Variants in KHDC1 observed in about 807,000 individuals in gnomAD.
KHDC1 encodes KH domain containing 1, also known as KH homology domain-containing protein 1.
A neutral mutation model predicts 24.7 loss-of-function variants in KHDC1; 21 were observed. That is an observed-to-expected ratio of 0.85 (90% CI 0.60 to 1.23). The LOEUF is 1.23. Ranked by LOEUF, KHDC1 falls within the 50% of genes most tolerant of loss-of-function variation. The probability of loss-of-function intolerance (pLI) is 0.00; values close to 1 mark genes in which losing one functional copy is unlikely to be tolerated. For missense variants in KHDC1, 274 were observed against 298.5 expected (o/e 0.92, Z 0.61); for synonymous variants, 98 against 111.7 (o/e 0.88, Z 0.77).
intron 2 of KHDC1, among the ~76,000 whole-genome samples, chr6:73,242,775 G>A (rs1766598504): frequency 6.6e-6 from 1 of 152,034 alleles, no homozygotes; most frequent in African/African-American, 2.4e-5. Flanking sequence ...TGATGCCCCG[G>A]AATCAAAATT....
At chr6:73,288,679 C>T (rs1169693489) in intron 2 of KHDC1, among the ~76,000 whole-genome samples, 4 of 151,754 alleles carry the variant, frequency 2.6e-5, no homozygotes, top group Non-Finnish European at 5.9e-5. Flanking sequence ...CCTAGCTACT[C>T]AGGAGCCAGA....
intron 1 of KHDC1, chr6:73,300,530 A>G (rs1011999523): frequency 6.6e-5 from 10 of 152,038 alleles, no homozygotes; most frequent in African/African-American, 2.4e-4. Flanking sequence ...TGTTTCCCCT[A>G]TCACCACCAC....
intron 2 of KHDC1, chr6:73,263,160 C>G: frequency 1.0e-6 from 1 of 987,188 alleles, no homozygotes; most frequent in Non-Finnish European, 1.2e-6. Flanking sequence ...GGTCCCGGCT[C>G]GCGCCGCGGC....
chr6:73,283,381 C>T (rs751513255), intron 2 of KHDC1, among the ~76,000 whole-genome samples: 1 of 150,860 alleles, frequency 6.6e-6, no homozygotes, highest in Non-Finnish European at 1.5e-5. Context: ...TATTTTGTTT[C>T]TTATTCCATT....
intron 2 of KHDC1, among the ~76,000 whole-genome samples, chr6:73,254,084 G>A (rs1242287390): frequency 1.3e-5 from 2 of 152,058 alleles, no homozygotes; most frequent in Non-Finnish European, 2.9e-5. Context: ...CCATACCACA[G>A]GAAACCATTA....
chr6:73,293,138 C>G lies in KHDC1; in HGVS notation c.164-1098G>C, dbSNP rs1331510692. On this transcript the variant is annotated intron_variant, in intron 1 of 4. Coordinates refer to ENST00000370384, the Ensembl canonical transcript of KHDC1. ...GGTTATGGTAACAATGTACTCTCAC[C>G]CTATCAGCAAGTGATTGAAAAGACC... 6.3e-6 allele frequency: 5 copies of G among 788,332 alleles called. No individual in the cohort carries two copies. The Admixed American group carries it at 8.9e-5, about 14-fold the overall frequency. 48.8% of individuals were successfully genotyped at this position (788,332 alleles called of 1,614,324 possible). A position where few individuals can be genotyped will look rare whatever the true frequency, so the allele number is the denominator to read the frequency against.
At chr6:73,263,951 C>T (rs1251109935) in intron 2 of KHDC1, among the ~76,000 whole-genome samples, 2 of 152,208 alleles carry the variant, frequency 1.3e-5, no homozygotes, top group Non-Finnish European at 2.9e-5. Context: ...GTAATCCCAA[C>T]ACTTTGGGAG....
intron 2 of KHDC1, among the ~76,000 whole-genome samples, chr6:73,259,332 G>C (rs979392279): frequency 1.6e-5 from 2 of 127,902 alleles, no homozygotes; most frequent in Admixed American, 9.4e-5. Flanking sequence ...CTGTCGCCCA[G>C]GCTGGAGTGC....
At chr6:73,276,318 C>A (rs1767297016) in intron 2 of KHDC1, 1 of 151,986 alleles carries the variant, frequency 6.6e-6, no homozygotes, top group Non-Finnish European at 1.5e-5. Context: ...GAAACCCCAT[C>A]TCTACTAAAA....
rs1767633821 is a variant in KHDC1, at chr6:73,290,698, T to G, written c.206+1300A>C. 8 of 443,466 alleles carry G rather than the reference T, an allele frequency of 1.8e-5. No individual in the cohort carries two copies. In the Middle Eastern group the frequency reaches 2.3e-3, roughly 129 times the overall value. 27.5% of individuals were successfully genotyped at this position (443,466 alleles called of 1,614,324 possible). A position where few individuals can be genotyped will look rare whatever the true frequency, so the allele number is the denominator to read the frequency against. ...GTTTGCTGCTGCTGCTGGAGCCACA[T>G]GTATTGCTGGTCACTTCACTTCTGG... is the stretch of plus-strand genomic sequence containing the variant. On this transcript the variant is annotated intron_variant, in intron 2 of 4. Transcript: ENST00000370384.
chr6:73,270,257 C>T (rs776528703), intron 2 of KHDC1: 16 of 152,172 alleles, frequency 1.1e-4, no homozygotes, highest in Admixed American at 6.5e-4. Flanking sequence ...TCTTTTCATG[C>T]ATTAATAAAA....
In KHDC1 at chr6:73,289,213, A is replaced by G. The variant is rs9446884; in HGVS notation, c.206+2785T>C. ...GACAGGCATGGTGGCACATGCCTGT[A>G]GTCCCAGCTACTCAGGAGGCTGAGG... On this transcript the variant is annotated intron_variant, in intron 2 of 4. Coordinates refer to ENST00000370384, the Ensembl canonical transcript of KHDC1. 5.4e-3 allele frequency among the ~76,000 whole-genome samples: 822 copies of G among 151,184 alleles called. 11 individuals are homozygous for G. The highest frequency in any genetic ancestry group is 0.019 in the African/African-American group (764 of 41,166).
chr6:73,310,101 C>T (rs79168820), exon 1 of KHDC1: 61 of 213,874 alleles, frequency 2.9e-4, no homozygotes, highest in Non-Finnish European at 4.5e-4. Context: ...GAGGAGAGGA[C>T]CCGGAGAACG....
At position 73,271,894 on chromosome 6, in the gene KHDC1, C is replaced by CA. The variant is rs980406699; in HGVS notation, c.206+20103dup. ...TGGGCAACAGAGTGAGACTCCATCTCAAAAAAAAATAAGAAGACTGAGGTT... is the reference window on the plus strand; with the variant it reads ...TGGGCAACAGAGTGAGACTCCATCTCAAAAAAAAAATAAGAAGACTGAGGTT... On this transcript the variant is annotated intron_variant, in intron 2 of 4. Transcript: ENST00000370384. Among the ~76,000 whole-genome samples, 6 of 146,582 alleles carry CA rather than the reference C, an allele frequency of 4.1e-5. No homozygotes were observed. In the East Asian group the frequency reaches 1.2e-3, roughly 30 times the overall value.
exon 1 of KHDC1, chr6:73,309,867 TC>T (rs1768047967): frequency 1.2e-6 from 1 of 861,338 alleles, no homozygotes; most frequent in South Asian, 1.7e-5. Context: ...CGGGTCGGGG[TC>T]AACCCAGACT....
At chr6:73,242,575 A>G (rs910982451) in intron 2 of KHDC1, 45 bp from the exon 2 acceptor site, 15 of 1,612,990 alleles carry the variant, frequency 9.3e-6, no homozygotes, top group Non-Finnish European at 1.2e-5. Context: ...TTGGCAAAAG[A>G]CTTGGAAAAG....
intron 2 of KHDC1, among the ~76,000 whole-genome samples, chr6:73,247,316 T>C (rs956144738): frequency 6.6e-6 from 1 of 152,126 alleles, no homozygotes; most frequent in Admixed American, 6.6e-5. Flanking sequence ...TTGAAATGTA[T>C]TGGGATGTAT....
chr6:73,272,074 C>T (rs761903381), intron 2 of KHDC1, among the ~76,000 whole-genome samples: 7 of 151,138 alleles, frequency 4.6e-5, no homozygotes, highest in Non-Finnish European at 8.9e-5. Flanking sequence ...CAACACTACT[C>T]ATAGAAAAGC....
At chr6:73,245,527 A>C (rs993475781) in intron 2 of KHDC1, among the ~76,000 whole-genome samples, 1 of 152,196 alleles carries the variant, frequency 6.6e-6, no homozygotes, top group Non-Finnish European at 1.5e-5. Context: ...AACTGCATGG[A>C]GTAGCCTATG....
Sources: gnomAD v4.1 joint callset for allele counts (sites outside exome capture counted in the v4.1 genomes callset) on GRCh38, gnomAD v4.1.1 for gene constraint, MANE v1.5 for transcripts, NCBI Gene and HGNC (gene_info 2026-07-23, HGNC 2026-07-21) for gene names.